CTNNA2: variants seen among roughly 807,000 people sequenced by gnomAD.
CTNNA2 encodes catenin alpha 2.
A neutral mutation model predicts 101.0 loss-of-function variants in CTNNA2; 42 were observed. The observed-to-expected ratio is 0.42, with a 90% CI of 0.32 to 0.54. The LOEUF (loss-of-function observed/expected upper bound fraction) is 0.54, where lower values mean the gene tolerates loss of function less well. CTNNA2 is among the 20% of genes least tolerant of loss of function. The pLI is 0.14. For missense variants in CTNNA2, 871 were observed against 1,223.1 expected (o/e 0.71, Z 4.29); for synonymous variants, 450 against 456.4 (o/e 0.99, Z 0.18).
chr2:80,169,348 T>G (rs1204909030), intron 7 of CTNNA2, among the ~76,000 whole-genome samples: 1 of 152,176 alleles, frequency 6.6e-6, no homozygotes, highest in East Asian at 1.9e-4. Context: ...TAGTGGTGGC[T>G]GAGGTCACAG....
intron 7 of CTNNA2, among the ~76,000 whole-genome samples, chr2:80,351,081 A>G (rs1452791941): frequency 6.6e-6 from 1 of 152,114 alleles, no homozygotes; most frequent in Non-Finnish European, 1.5e-5. Context: ...TTGTTAGAAC[A>G]CTCCTACAAC....
chr2:79,873,508 C>G (rs1558600542), intron 5 of CTNNA2, among the ~76,000 whole-genome samples: 1 of 151,938 alleles, frequency 6.6e-6, no homozygotes. Flanking sequence ...TGAAAGGGGA[C>G]ACAGCTTAGA....
At chr2:80,071,468 T>C (rs1316097214) in intron 7 of CTNNA2, among the ~76,000 whole-genome samples, 1 of 152,224 alleles carries the variant, frequency 6.6e-6, no homozygotes, top group Non-Finnish European at 1.5e-5. Context: ...ACCTTGTCTG[T>C]CATTGTTGCC....
intron 7 of CTNNA2, among the ~76,000 whole-genome samples, chr2:80,077,066 A>G (rs1180475438): frequency 6.6e-6 from 1 of 152,068 alleles, no homozygotes; most frequent in Admixed American, 6.5e-5. Flanking sequence ...AACAAACAAA[A>G]GTTAGAGACT....
intron 7 of CTNNA2, among the ~76,000 whole-genome samples, chr2:80,124,469 C>T (rs957176657): frequency 3.9e-5 from 6 of 152,200 alleles, no homozygotes; most frequent in South Asian, 4.1e-4. Context: ...AAGAAAGTAG[C>T]GGTCCGGGGT....
intron 4 of CTNNA2, among the ~76,000 whole-genome samples, chr2:79,460,931 T>A (rs1670871081): frequency 6.6e-6 from 1 of 152,150 alleles, no homozygotes; most frequent in East Asian, 1.9e-4. Context: ...AACATCTGCC[T>A]CCAGGGTTCA....
intron 7 of CTNNA2, among the ~76,000 whole-genome samples, chr2:79,978,619 G>C (rs1306541261): frequency 2.0e-5 from 3 of 152,130 alleles, no homozygotes; most frequent in Non-Finnish European, 4.4e-5. Context: ...TAGGATGCTA[G>C]GGGAGAAAAG....
At chr2:79,240,413 T>A (rs1674612040) in intron 2 of CTNNA2, among the ~76,000 whole-genome samples, 1 of 152,058 alleles carries the variant, frequency 6.6e-6, no homozygotes, top group Admixed American at 6.5e-5. Context: ...TGTTCTTCCC[T>A]TCTTTGCGTT....
At chr2:79,529,659 C>T (rs1245051913) in intron 1 of CTNNA2, among the ~76,000 whole-genome samples, 1 of 151,728 alleles carries the variant, frequency 6.6e-6, no homozygotes, top group Non-Finnish European at 1.5e-5. Flanking sequence ...GGGTATTTAC[C>T]TCTGAAGTCA....
At chr2:80,246,054 G>C (rs181509502) in intron 7 of CTNNA2, among the ~76,000 whole-genome samples, 49 of 151,936 alleles carry the variant, frequency 3.2e-4, no homozygotes, top group Admixed American at 1.0e-3. Flanking sequence ...TGGGCCTCCT[G>C]AAGTGCTGGG....
chr2:79,681,201 C>T (rs1484558920), intron 2 of CTNNA2, among the ~76,000 whole-genome samples: 2 of 152,152 alleles, frequency 1.3e-5, no homozygotes, highest in Non-Finnish European at 2.9e-5. Context: ...CATCCATCAC[C>T]TTTAACACTT....
At chr2:80,588,836 C>T (rs1696193899) in intron 14 of CTNNA2, among the ~76,000 whole-genome samples, 1 of 152,120 alleles carries the variant, frequency 6.6e-6, no homozygotes, top group Non-Finnish European at 1.5e-5. Context: ...TAGCCCCATC[C>T]TCCCCCACTT....
chr2:80,312,145 C>T (rs72813634), intron 7 of CTNNA2, among the ~76,000 whole-genome samples: 25,473 of 152,200 alleles, frequency 0.17, 2,225 homozygotes, highest in Middle Eastern at 0.25. Context: ...CTCAGCAAGG[C>T]AGTTTTTACT....
At chr2:79,709,234 A>G (rs1207291952) in intron 2 of CTNNA2, among the ~76,000 whole-genome samples, 2 of 152,154 alleles carry the variant, frequency 1.3e-5, no homozygotes, top group African/African-American at 4.8e-5. Flanking sequence ...TCTAACAGTT[A>G]CTCAAAGATC....
intron 13 of CTNNA2, among the ~76,000 whole-genome samples, chr2:80,579,904 G>T (rs1490156226): frequency 6.6e-6 from 1 of 152,156 alleles, no homozygotes; most frequent in African/African-American, 2.4e-5. Context: ...CTACATCATC[G>T]GTATTCCTTG....
intron 2 of CTNNA2, among the ~76,000 whole-genome samples, chr2:79,289,213 A>T (rs1437533030): frequency 1.3e-5 from 2 of 152,182 alleles, no homozygotes; most frequent in Admixed American, 6.5e-5. Flanking sequence ...TCAGTCTCAC[A>T]CAGCTGAGGT....
At chr2:80,426,855 C>T (rs1378211345) in intron 9 of CTNNA2, among the ~76,000 whole-genome samples, 1 of 151,914 alleles carries the variant, frequency 6.6e-6, no homozygotes, top group Non-Finnish European at 1.5e-5. Flanking sequence ...CTGATGCATT[C>T]CCCACTCTAT....
At chr2:79,693,618 A>G (rs1328870865) in intron 2 of CTNNA2, among the ~76,000 whole-genome samples, 1 of 151,922 alleles carries the variant, frequency 6.6e-6, no homozygotes, top group Non-Finnish European at 1.5e-5. Flanking sequence ...GGTGGGTAGG[A>G]ATCGTGTGAG....
chr2:79,667,259 G>A (rs1005797054), intron 2 of CTNNA2, among the ~76,000 whole-genome samples: 6 of 152,178 alleles, frequency 3.9e-5, no homozygotes, highest in African/African-American at 1.2e-4. Flanking sequence ...CTCTTGGGCC[G>A]TCATGAAGGT....
Sources: gnomAD v4.1 joint callset for allele counts (sites outside exome capture counted in the v4.1 genomes callset) on GRCh38, gnomAD v4.1.1 for gene constraint, MANE v1.5 for transcripts, NCBI Gene and HGNC (gene_info 2026-07-23, HGNC 2026-07-21) for gene names.